ADGRV1: variants seen among roughly 807,000 people sequenced by gnomAD.
The protein encoded by ADGRV1 is adhesion G protein-coupled receptor V1.
ADGRV1 carries 359 observed loss-of-function variants against 596.2 expected under a neutral mutation model. The ratio of observed to expected loss-of-function variants is 0.60; its 90% CI spans 0.55 to 0.66. ADGRV1 has a LOEUF of 0.66. Ranked by LOEUF, ADGRV1 falls within the 30% of genes least tolerant of loss-of-function variation. ADGRV1 has a pLI of 0.00. For missense variants in ADGRV1, 7,274 were observed against 7,575.6 expected, an observed-to-expected ratio of 0.96 and a Z score of 1.48; for synonymous variants, 2,681 against 2,679.2, an observed-to-expected ratio of 1.00 and a Z score of -0.02.
At chr5:90,871,322 A>C (rs1042278089) in intron 83 of ADGRV1, among the ~76,000 whole-genome samples, 1 of 152,098 alleles carries the variant, frequency 6.6e-6, no homozygotes, top group Admixed American at 6.6e-5. Context: ...ATTTTCCTTT[A>C]TGTATCAAAT....
Position 90,684,156 on chromosome 5 carries a change from C to T in ADGRV1, c.6235C>T (p.Leu2079Phe), listed in dbSNP as rs529727564. The change falls in exon 28 of 90, where the codon CTC becomes TTC. Residue 2079 changes from leucine (L) to phenylalanine (F), a missense_variant. Coordinates refer to ENST00000405460, the MANE Select transcript of ADGRV1 (RefSeq NM_032119.4). Reference protein sequence around the residue: ...ERSESVFIELLNSTLVAKVQS... With the variant: ...ERSESVFIELFNSTLVAKVQS... The stretch of plus-strand genomic sequence containing the variant: ...GTCCGAATCTGTCTTTATCGAACTA[C>T]TCAACTCTACTTTAGTAGCGAAAGT... The T allele has an allele frequency of 5.0e-6, 8 of 1,613,530 alleles. No homozygotes were observed. Among genetic ancestry groups the T allele is most frequent in the South Asian group, 2.2e-5 (2 of 91,058 alleles).
chr5:90,759,171 A>G (rs1026166093), intron 57 of ADGRV1, among the ~76,000 whole-genome samples: 6 of 152,208 alleles, frequency 3.9e-5, no homozygotes, highest in African/African-American at 1.4e-4. Flanking sequence ...ATAAATATAC[A>G]CAACTTTAAA....
chr5:90,863,844 G>A lies in ADGRV1; in HGVS notation c.17843G>A (p.Ser5948Asn). 6.2e-7 allele frequency: 1 copy of A among 1,610,538 alleles called. No individual in the cohort carries two copies. Among genetic ancestry groups the A allele is most frequent in the Non-Finnish European group, 8.5e-7 (1 of 1,176,868 alleles). The change falls in exon 83 of 90, where the codon AGC becomes AAC. Residue 5948 changes from serine to asparagine, a missense_variant. Physicochemically the swap from Ser to Asn is conservative, Grantham distance 46 (BLOSUM62 1). Coordinates refer to ENST00000405460, the MANE Select transcript of ADGRV1 (RefSeq NM_032119.4). ...CTTCTGACTCACATGATGGCAGCCAGCTTAGGTACACAGGTAGGAGAGCGC... is the reference window on the plus strand; with the variant it reads ...CTTCTGACTCACATGATGGCAGCCAACTTAGGTACACAGGTAGGAGAGCGC... Reference protein sequence around the residue: ...AKLLTHMMAASLGTQILFLAS... With the variant: ...AKLLTHMMAANLGTQILFLAS...
chr5:90,790,772 TA>T, intron 69 of ADGRV1, 100 bp from the exon 70 acceptor site: 1 of 740,240 alleles, frequency 1.4e-6, no homozygotes, highest in Non-Finnish European at 2.1e-6. Flanking sequence ...TGCACAATTA[TA>T]TTTTTTTTTT....
At chr5:90,561,341 G>A (rs1038032501) in intron 1 of ADGRV1, among the ~76,000 whole-genome samples, 1 of 152,072 alleles carries the variant, frequency 6.6e-6, no homozygotes, top group Non-Finnish European at 1.5e-5. Context: ...AGGTAAAAGA[G>A]ACCTAGAACA....
intron 85 of ADGRV1, among the ~76,000 whole-genome samples, chr5:91,012,676 T>C (rs989638799): frequency 6.6e-6 from 1 of 151,976 alleles, no homozygotes; most frequent in Non-Finnish European, 1.5e-5. Flanking sequence ...TCCATGGTAA[T>C]GTATATTCAT....
chr5:91,059,655 T>G (rs2151343963), intron 85 of ADGRV1, among the ~76,000 whole-genome samples: 1 of 152,292 alleles, frequency 6.6e-6, no homozygotes, highest in Middle Eastern at 3.4e-3. Context: ...ATGTGTCATT[T>G]CCCCCTCAAT....
chr5:90,965,951 T>G (rs1380546796), intron 84 of ADGRV1, among the ~76,000 whole-genome samples: 2 of 152,092 alleles, frequency 1.3e-5, no homozygotes, highest in African/African-American at 4.8e-5. Flanking sequence ...TTAAGTAGAT[T>G]TAGCTGTATT....
chr5:91,122,395 C>T (rs940904883), intron 87 of ADGRV1, among the ~76,000 whole-genome samples: 1 of 152,186 alleles, frequency 6.6e-6, no homozygotes, highest in African/African-American at 2.4e-5. Context: ...AAAGTCATCT[C>T]CTTTTTATAA....
rs201154290 is a variant in ADGRV1 at position 90,781,533 on chromosome 5, G to A, written c.13186G>A (p.Ala4396Thr). 223 of 1,610,748 alleles carry A rather than the reference G, an allele frequency of 1.4e-4. No individual in the cohort carries two copies. The highest frequency in any genetic ancestry group is 1.7e-4 in the Non-Finnish European group (201 of 1,178,118). The change falls in exon 65 of 90, where the codon GCA becomes ACA. Residue 4396 changes from alanine (A) to threonine (T), a missense_variant. This residue lies in a region of ADGRV1 where 3,643 missense variants were observed against 3,809.2 expected (regional missense o/e 0.96). Transcript: ENST00000405460. ...VRIIIMKNDNAEGIIEFDPKY... is the reference protein window; with the variant it reads ...VRIIIMKNDNTEGIIEFDPKY... ...CATCATAATAATGAAAAATGATAAC[G>A]CAGAAGGCATCATTGAATTTGACCC...
rs1744812557 is a variant in ADGRV1, at chr5:90,680,603, G to C, written c.5525-712G>C. 2.0e-5 allele frequency among the ~76,000 whole-genome samples: 3 copies of C among 152,030 alleles called. No individual in the cohort carries two copies. The South Asian group carries it at 6.2e-4, about 32-fold the overall frequency. The stretch of plus-strand genomic sequence containing the variant: ...AAATCCTTCTTTTTTCACAATGTCA[G>C]ATTTTATATTTTAGTGTCAGAACTC... On this transcript the variant is annotated intron_variant, in intron 26 of 89. Coordinates refer to ENST00000405460, the MANE Select transcript of ADGRV1 (RefSeq NM_032119.4).
chr5:90,657,908 C>T lies in ADGRV1; in HGVS notation c.4382C>T (p.Pro1461Leu), dbSNP rs1769655495. Residue 1461 changes from proline to leucine, a missense_variant, in exon 21 of 90, where the codon CCT becomes CTT. By Grantham distance (98) the Pro-to-Leu change is moderately conservative. Transcript: ENST00000405460. ...SLKGEAITDGPGILRIGAGIN... is the reference protein window; with the variant it reads ...SLKGEAITDGLGILRIGAGIN... Reference sequence around the variant, plus strand: ...TTAAACTTGTCTCTAATTTCAGGTCCTGGGATACTGAGAATTGGAGCAGGG... The same window carrying T: ...TTAAACTTGTCTCTAATTTCAGGTCTTGGGATACTGAGAATTGGAGCAGGG... 6.2e-7 allele frequency: 1 copy of T among 1,603,996 alleles called. No homozygotes were observed. The highest frequency in any genetic ancestry group is 8.5e-7 in the Non-Finnish European group (1 of 1,173,018).
At chr5:90,833,309 G>A (rs1449062118) in intron 77 of ADGRV1, among the ~76,000 whole-genome samples, 1 of 152,000 alleles carries the variant, frequency 6.6e-6, no homozygotes, top group African/African-American at 2.4e-5. Flanking sequence ...TTTTGAGATA[G>A]GGTCTTGATC....
At chr5:91,069,170 C>G (rs1788157034) in intron 85 of ADGRV1, among the ~76,000 whole-genome samples, 2 of 152,118 alleles carry the variant, frequency 1.3e-5, no homozygotes, top group Admixed American at 1.3e-4. Context: ...AACTGTATAA[C>G]CTACAACTAT....
intron 84 of ADGRV1, among the ~76,000 whole-genome samples, chr5:90,982,336 A>G (rs780046233): frequency 6.6e-6 from 1 of 152,182 alleles, no homozygotes; most frequent in African/African-American, 2.4e-5. Flanking sequence ...CCAAGAACCT[A>G]TTGATGGTAT....
chr5:90,621,192 A>G (rs913288064), intron 4 of ADGRV1, among the ~76,000 whole-genome samples: 4 of 152,148 alleles, frequency 2.6e-5, no homozygotes, highest in Non-Finnish European at 1.5e-5. Flanking sequence ...CTTGAATCAC[A>G]TTACTAATTA....
In ADGRV1 at chr5:90,773,308, G is replaced by T. The variant is rs114516413; in HGVS notation, c.12286-878G>T. Among the ~76,000 whole-genome samples, 537 of 152,146 alleles carry T rather than the reference G, an allele frequency of 3.5e-3. 5 individuals carry two copies. The highest frequency in any genetic ancestry group is 0.012 in the African/African-American group (515 of 41,508). ...GGGAAGAGTTTTGCAAAGGGAGATC[G>T]AAATGGGCTAATAAATGGGTCAAAA... On this transcript the variant is annotated intron_variant, in intron 59 of 89. Transcript: ENST00000405460.
chr5:90,582,470 T>G (rs142376175), intron 1 of ADGRV1, among the ~76,000 whole-genome samples: 1 of 152,178 alleles, frequency 6.6e-6, no homozygotes, highest in Admixed American at 6.5e-5. Context: ...TTCTTAACTT[T>G]TATTGGTTTA....
intron 29 of ADGRV1, among the ~76,000 whole-genome samples, chr5:90,686,819 A>C (rs1457929058): frequency 5.9e-5 from 9 of 152,228 alleles, no homozygotes; most frequent in South Asian, 2.1e-4. Context: ...GAACTAGTTT[A>C]CAGTCCCACC....
Sources: allele counts gnomAD v4.1 joint callset (sites outside exome capture counted in the v4.1 genomes callset), GRCh38; gene constraint gnomAD v4.1.1; regional missense constraint gnomAD v4.1.1; transcripts MANE v1.5; gene names NCBI Gene and HGNC (gene_info 2026-07-23, HGNC 2026-07-21).